DIAPH2: variants seen among roughly 807,000 people sequenced by gnomAD.
DIAPH2 encodes the protein protein diaphanous homolog 2.
DIAPH2 carries 35 observed loss-of-function variants against 92.7 expected under a neutral mutation model. The observed-to-expected ratio is 0.38, with a 90% CI of 0.29 to 0.50. The LOEUF (loss-of-function observed/expected upper bound fraction) is 0.50. Ranked by LOEUF, DIAPH2 falls within the 20% of genes least tolerant of loss-of-function variation. The pLI is 0.94. For missense variants in DIAPH2, 701 were observed against 819.5 expected, an observed-to-expected ratio of 0.86 and a Z score of 1.77; for synonymous variants, 301 against 280.4, an observed-to-expected ratio of 1.07 and a Z score of -0.73.
At position 96,937,328 on chromosome X, in the gene DIAPH2, C is replaced by G; in HGVS notation, c.1185C>G (p.Leu395=). The G allele has an allele frequency of 8.8e-7, 1 of 1,132,831 alleles. No homozygotes were observed. The highest frequency in any genetic ancestry group is 1.2e-6 in the Non-Finnish European group (1 of 842,622). The allele number at this position is 1,132,831 out of a possible 1,213,427, so 93.4% of individuals were successfully genotyped here. Residue 395 remains leucine (L), a synonymous_variant, in exon 11 of 27, where the codon CTC becomes CTG. Coordinates refer to ENST00000324765, the MANE Select transcript of DIAPH2 (RefSeq NM_006729.5). The part of the protein sequence containing the change: ...EDDLTELSHR[L]NDIRAEMDDM... Reference sequence around the variant, plus strand: ...ACCTAACTGAATTATCACACCGTCTCAATGACATTCGAGCAGAAATGGAAT... The same window carrying G: ...ACCTAACTGAATTATCACACCGTCTGAATGACATTCGAGCAGAAATGGAAT...
chrX:97,589,708 G>A (rs2071504559), intron 26 of DIAPH2, among the ~76,000 whole-genome samples: 1 of 112,229 alleles, frequency 8.9e-6, no homozygotes, highest in African/African-American at 3.2e-5. Flanking sequence ...TGTCCCAATA[G>A]ATGTAAATGT....
intron 25 of DIAPH2, among the ~76,000 whole-genome samples, chrX:97,385,499 G>A (rs981473249): frequency 1.8e-5 from 2 of 111,545 alleles, no homozygotes; most frequent in African/African-American, 6.5e-5. Flanking sequence ...CCAAAGTGCT[G>A]GGATTACAAG....
intron 1 of DIAPH2, among the ~76,000 whole-genome samples, chrX:96,689,528 G>A (rs997114432): frequency 3.7e-5 from 4 of 109,062 alleles, no homozygotes; most frequent in African/African-American, 1.3e-4. Context: ...CCATTTACTA[G>A]GTGTTTTTCT....
rs1242933185 is a variant in DIAPH2, at chrX:97,090,334, T to TTTG, written c.2248-9360_2248-9359insTTG. Among the ~76,000 whole-genome samples, 114 of 65,218 alleles carry TTTG rather than the reference T, an allele frequency of 1.7e-3. 3 individuals carry two copies. The highest frequency in any genetic ancestry group is 7.4e-3 in the African/African-American group (110 of 14,788). The allele number at this position is 65,218 out of a possible 115,157, so 56.6% of individuals were successfully genotyped here. ...TTTTTTTTTTTTTTTTTTTTTTTTT[T>TTTG]GAGAAAGAGCTCTGGGGCAGTGGGC... is the stretch of plus-strand genomic sequence containing the variant. On this transcript the variant is annotated intron_variant, in intron 19 of 26. Coordinates refer to ENST00000324765, the MANE Select transcript of DIAPH2 (RefSeq NM_006729.5).
At chrX:97,105,241 C>G (rs1482493358) in intron 20 of DIAPH2, among the ~76,000 whole-genome samples, 1 of 111,139 alleles carries the variant, frequency 9.0e-6, no homozygotes, top group Non-Finnish European at 1.9e-5. Flanking sequence ...CTTTCTCTAA[C>G]CTTTTGGGTT....
intron 16 of DIAPH2, 64 bp downstream of exon 16, chrX:96,958,212 C>G: frequency 8.8e-7 from 1 of 1,129,982 alleles, no homozygotes; most frequent in Non-Finnish European, 1.2e-6. Flanking sequence ...TATGTGTACA[C>G]ATTGTATAAT....
intron 26 of DIAPH2, among the ~76,000 whole-genome samples, chrX:97,581,110 C>T (rs1259023600): frequency 9.7e-6 from 1 of 103,446 alleles, no homozygotes. Flanking sequence ...TTGATCCTTT[C>T]AAAAAACCAG....
intron 21 of DIAPH2, among the ~76,000 whole-genome samples, chrX:97,127,723 T>A (rs998453783): frequency 8.9e-6 from 1 of 112,856 alleles, no homozygotes; most frequent in African/African-American, 3.2e-5. Flanking sequence ...TTACTCATTT[T>A]AGGCCAGGTG....
intron 19 of DIAPH2, among the ~76,000 whole-genome samples, chrX:97,086,693 C>CAT (rs34812497): frequency 0.41 from 45,174 of 109,936 alleles, 6,809 homozygotes; most frequent in African/African-American, 0.49. Context: ...GTATCTCTGT[C>CAT]AGAATCAGAG....
At chrX:96,863,621 A>G (rs961887025) in intron 4 of DIAPH2, among the ~76,000 whole-genome samples, 1 of 110,685 alleles carries the variant, frequency 9.0e-6, no homozygotes, top group Non-Finnish European at 1.9e-5. Context: ...TTTTTACCTA[A>G]TTGAATTTTT....
chrX:96,850,978 C>T (rs2065002844), intron 4 of DIAPH2, among the ~76,000 whole-genome samples: 1 of 111,819 alleles, frequency 8.9e-6, no homozygotes, highest in African/African-American at 3.2e-5. Flanking sequence ...ATCTTTTTCC[C>T]CCCATTCTAC....
chrX:97,472,270 T>C (rs773208516), intron 26 of DIAPH2, among the ~76,000 whole-genome samples: 12 of 112,395 alleles, frequency 1.1e-4, no homozygotes, highest in African/African-American at 3.9e-4. Flanking sequence ...CTTAAAGATC[T>C]CTGGTGAAAA....
intron 26 of DIAPH2, among the ~76,000 whole-genome samples, chrX:97,557,089 A>G (rs2071262491): frequency 8.9e-6 from 1 of 111,954 alleles, no homozygotes; most frequent in Admixed American, 9.5e-5. Context: ...ATGTATAAAA[A>G]CATGGTATCA....
intron 25 of DIAPH2, among the ~76,000 whole-genome samples, chrX:97,416,093 G>A (rs1052645628): frequency 8.9e-6 from 1 of 112,230 alleles, no homozygotes; most frequent in African/African-American, 3.2e-5. Flanking sequence ...AAAGAATCCA[G>A]AGTCAGACTG....
chrX:97,012,022 A>G (rs1242672948), intron 17 of DIAPH2, among the ~76,000 whole-genome samples: 1 of 110,746 alleles, frequency 9.0e-6, no homozygotes, highest in Non-Finnish European at 1.9e-5. Flanking sequence ...AAAGTTGAGT[A>G]AGATGGTTCC....
intron 22 of DIAPH2, among the ~76,000 whole-genome samples, chrX:97,230,947 T>C (rs917990511): frequency 2.7e-5 from 3 of 112,545 alleles, no homozygotes; most frequent in Non-Finnish European, 5.6e-5. Flanking sequence ...TTTAGGTGTC[T>C]TGCCCAAAGG....
At chrX:97,267,742 T>C (rs1299629980) in intron 23 of DIAPH2, among the ~76,000 whole-genome samples, 1 of 111,867 alleles carries the variant, frequency 8.9e-6, no homozygotes, top group East Asian at 2.8e-4. Flanking sequence ...GCTTAATGAA[T>C]GAGATATTCC....
At chrX:96,734,768 T>C (rs1370717705) in intron 1 of DIAPH2, among the ~76,000 whole-genome samples, 1 of 111,402 alleles carries the variant, frequency 9.0e-6, no homozygotes, top group African/African-American at 3.3e-5. Context: ...ATTGGTGGTA[T>C]TTGAAGACAA....
intron 1 of DIAPH2, among the ~76,000 whole-genome samples, chrX:96,727,472 A>G (rs2064026909): frequency 9.0e-6 from 1 of 111,557 alleles, no homozygotes; most frequent in African/African-American, 3.3e-5. Flanking sequence ...TTTGTTTCAT[A>G]AGTCTGTTCT....
Sources: gnomAD v4.1 joint callset for allele counts (sites outside exome capture counted in the v4.1 genomes callset) on GRCh38, gnomAD v4.1.1 for gene constraint, MANE v1.5 for transcripts, NCBI Gene and HGNC (gene_info 2026-07-23, HGNC 2026-07-21) for gene names.